The following C2CD3 variants were observed in gnomAD, a reference collection of about 807,000 sequenced individuals.
The protein encoded by C2CD3 is C2 domain containing 3 centriole elongation regulator, also known as C2 domain-containing protein 3.
C2CD3 carries 148 observed loss-of-function variants against 234.0 expected under a neutral mutation model. That is an observed-to-expected ratio of 0.63 (90% CI 0.55 to 0.72). The LOEUF (loss-of-function observed/expected upper bound fraction) is 0.72, where lower values mean the gene tolerates loss of function less well. Ranked by LOEUF, C2CD3 falls within the 30% of genes least tolerant of loss-of-function variation. The pLI is 0.00. For missense variants in C2CD3, 2,577 were observed against 2,811.5 expected (o/e 0.92, Z 1.89); for synonymous variants, 1,000 against 1,035.4 (o/e 0.97, Z 0.66).
At chr11:74,082,681 C>T (rs1955442182) in intron 22 of C2CD3, among the ~76,000 whole-genome samples, 1 of 151,964 alleles carries the variant, frequency 6.6e-6, no homozygotes, top group African/African-American at 2.4e-5. Flanking sequence ...GCTGGATTCG[C>T]CCCCCTGTCC....
Position 74,090,881 on chromosome 11 carries a change from A to C in C2CD3, c.3573T>G (p.Val1191=), listed in dbSNP as rs918836158. 6.2e-7 allele frequency: 1 copy of C among 1,614,120 alleles called. No individual in the cohort carries two copies. Among genetic ancestry groups the C allele is most frequent in the Non-Finnish European group, 8.5e-7 (1 of 1,179,982 alleles). ...YRRSPRTAEG[V]LAARTVSISV... ...AGATGGAAACAGTTCGGGCAGCAAG[A>C]ACTCCCTCTGCTGTTCTTGGACTAC... The change falls in exon 20 of 33, where the codon GTT becomes GTG. Residue 1191 remains valine (V), a synonymous_variant. Transcript: ENST00000334126.
chr11:74,055,405 A>C (rs1159535511), intron 25 of C2CD3, among the ~76,000 whole-genome samples: 1 of 152,238 alleles, frequency 6.6e-6, no homozygotes, highest in Non-Finnish European at 1.5e-5. Context: ...TTTAAGTGAC[A>C]AAGTGTTGGA....
intron 19 of C2CD3, 99 bp downstream of exon 19, chr11:74,092,317 A>G: frequency 9.0e-7 from 1 of 1,113,236 alleles, no homozygotes; most frequent in South Asian, 1.4e-5. Context: ...GGCTTCCCAA[A>G]GTGCTGGGAT....
intron 24 of C2CD3, among the ~76,000 whole-genome samples, chr11:74,059,955 A>C (rs2135442867): frequency 6.6e-6 from 1 of 152,328 alleles, no homozygotes; most frequent in South Asian, 2.1e-4. Flanking sequence ...AGCAAACGGC[A>C]CACCAGGAGA....
chr11:74,136,808 G>C (rs1315799274), intron 5 of C2CD3, among the ~76,000 whole-genome samples: 3 of 152,076 alleles, frequency 2.0e-5, no homozygotes, highest in East Asian at 3.8e-4. Flanking sequence ...CGGGGGTAGG[G>C]GGCTAGGGGA....
chr11:74,113,500 G>A (rs146508704), intron 11 of C2CD3: 5,876 of 373,552 alleles, frequency 0.016, 98 homozygotes, highest in African/African-American at 0.047. Context: ...CCAACATGGT[G>A]AAACCCTGTC....
chr11:74,053,286 TA>T (rs1467779192), intron 26 of C2CD3, among the ~76,000 whole-genome samples: 3 of 152,304 alleles, frequency 2.0e-5, no homozygotes, highest in South Asian at 2.1e-4. Context: ...TGCTCGGTAA[TA>T]AAAACAAGAA....
intron 29 of C2CD3, among the ~76,000 whole-genome samples, chr11:74,040,894 T>TCACA (rs1010579671): frequency 1.3e-5 from 2 of 148,770 alleles, no homozygotes; most frequent in Non-Finnish European, 3.0e-5. Flanking sequence ...CCTTTATCTA[T>TCACA]CACACACACA....
At chr11:74,131,590 T>C (rs1231227696) in intron 7 of C2CD3, among the ~76,000 whole-genome samples, 1 of 148,844 alleles carries the variant, frequency 6.7e-6, no homozygotes, top group Admixed American at 6.7e-5. Flanking sequence ...TTTTCTTTCT[T>C]TTTTTTTTTG....
chr11:74,136,272 A>G (rs1957858754), intron 5 of C2CD3, among the ~76,000 whole-genome samples: 1 of 152,150 alleles, frequency 6.6e-6, no homozygotes, highest in African/African-American at 2.4e-5. Context: ...ACTAACTCAG[A>G]CCGAGTTGAA....
intron 11 of C2CD3, chr11:74,113,444 C>T (rs1400391000): frequency 6.9e-6 from 2 of 287,964 alleles, no homozygotes; most frequent in Middle Eastern, 1.2e-3. Context: ...TTTGGGAGGC[C>T]GAGGCAGGCG....
At position 74,106,382 on chromosome 11, in the gene C2CD3, C is replaced by A. The variant is rs1388599958; in HGVS notation, c.2074G>T (p.Gly692Cys). The change falls in exon 13 of 33, where the codon GGC (glycine) becomes TGC (cysteine). Residue 692 changes from glycine to cysteine, a missense_variant. Gly to Cys is a radical substitution (Grantham distance 159). Transcript: ENST00000334126. ...VQQENGQSPFGPLKVTMELIT... is the reference protein window; with the variant it reads ...VQQENGQSPFCPLKVTMELIT... ...GTATATCTACATACCTTGAGGGGGC[C>A]AAATGGAGACTGACCATTTTCTTGT... is the stretch of plus-strand genomic sequence containing the variant. 3 of 1,613,998 alleles carry A rather than the reference C, an allele frequency of 1.9e-6. 1 individual carries two copies. In the East Asian group the frequency reaches 6.7e-5, roughly 36 times the overall value.
At position 74,134,970 on chromosome 11, in the gene C2CD3, C is replaced by T. The variant is rs553065010; in HGVS notation, c.956-1413G>A. Among the ~76,000 whole-genome samples the T allele has an allele frequency of 6.6e-5, 10 of 152,216 alleles. 1 individual carries two copies. In the South Asian group the frequency reaches 1.9e-3, roughly 28 times the overall value. ...GAACTATTGGCCTCAAGCTATCTTC[C>T]TGCCCCGGCCTCCCAAAGTCCATAA... On this transcript the variant is annotated intron_variant, in intron 5 of 32. Transcript: ENST00000334126.
intron 31 of C2CD3, among the ~76,000 whole-genome samples, chr11:74,031,047 T>C (rs1197373296): frequency 6.6e-6 from 1 of 152,236 alleles, no homozygotes; most frequent in Non-Finnish European, 1.5e-5. Context: ...TTGTTTCTAG[T>C]CTTCCCTTAC....
At chr11:74,056,430 T>A (rs1953951260) in intron 25 of C2CD3, among the ~76,000 whole-genome samples, 1 of 152,174 alleles carries the variant, frequency 6.6e-6, no homozygotes, top group Non-Finnish European at 1.5e-5. Flanking sequence ...GAACTTTACC[T>A]CCTATTTTTT....
At chr11:74,082,613 C>G (rs554860986) in intron 22 of C2CD3, among the ~76,000 whole-genome samples, 3 of 152,190 alleles carry the variant, frequency 2.0e-5, no homozygotes, top group South Asian at 4.2e-4. Flanking sequence ...GTTGAACCAG[C>G]CTTGCATCCC....
At chr11:74,168,785 A>G (rs969643438) in intron 1 of C2CD3, among the ~76,000 whole-genome samples, 172 bp from the exon 2 acceptor site, 1 of 152,200 alleles carries the variant, frequency 6.6e-6, no homozygotes, top group Non-Finnish European at 1.5e-5. Context: ...AGAAGTAACT[A>G]TCAAATCAGA....
chr11:74,077,272 C>G (rs1338080583), intron 23 of C2CD3, among the ~76,000 whole-genome samples: 1 of 151,818 alleles, frequency 6.6e-6, no homozygotes. Flanking sequence ...TAAATTCATT[C>G]ATTATTTCAT....
chr11:74,154,831 A>G (rs766099555), intron 3 of C2CD3, among the ~76,000 whole-genome samples: 6 of 152,232 alleles, frequency 3.9e-5, no homozygotes, highest in Non-Finnish European at 8.8e-5. Context: ...CAAAAAGCCC[A>G]TGAAAAAATA....
Sources: allele counts gnomAD v4.1 joint callset (sites outside exome capture counted in the v4.1 genomes callset), GRCh38; gene constraint gnomAD v4.1.1; transcripts MANE v1.5; gene names NCBI Gene and HGNC (gene_info 2026-07-23, HGNC 2026-07-21).